LUZP2: variants seen among roughly 807,000 people sequenced by gnomAD.
The protein encoded by LUZP2 is leucine zipper protein 2.
A neutral mutation model predicts 51.6 loss-of-function variants in LUZP2; 52 were observed. The ratio of observed to expected loss-of-function variants is 1.01; its 90% confidence interval spans 0.81 to 1.27. The LOEUF (loss-of-function observed/expected upper bound fraction) is 1.27. Among genes scored for constraint, LUZP2 ranks in the 50% most tolerant of loss-of-function variants. LUZP2 has a pLI of 0.00. For synonymous variants in LUZP2, 154 were observed against 137.3 expected (o/e 1.12, Z -0.85); for missense variants, 436 against 395.4 (o/e 1.10, Z -0.87).
chr11:24,974,398 G>T (rs994219192), intron 7 of LUZP2, among the ~76,000 whole-genome samples: 1 of 151,922 alleles, frequency 6.6e-6, no homozygotes, highest in African/African-American at 2.4e-5. Context: ...CGTTGCCATT[G>T]TGTTTCTTTT....
At chr11:24,715,440 C>A (rs1382951329) in intron 1 of LUZP2, among the ~76,000 whole-genome samples, 1 of 152,106 alleles carries the variant, frequency 6.6e-6, no homozygotes, top group Non-Finnish European at 1.5e-5. Context: ...CCAACTTCTC[C>A]AGATTCTACC....
chr11:24,840,413 A>G (rs1850992543), intron 5 of LUZP2, among the ~76,000 whole-genome samples: 1 of 151,910 alleles, frequency 6.6e-6, no homozygotes, highest in African/African-American at 2.4e-5. Context: ...TTCAGATTAT[A>G]AAACGTCTGC....
intron 5 of LUZP2, among the ~76,000 whole-genome samples, chr11:24,874,535 G>A (rs1410237092): frequency 3.3e-5 from 5 of 152,198 alleles, no homozygotes; most frequent in East Asian, 3.9e-4. Context: ...ATGCTGCACC[G>A]GATGTTGACC....
At chr11:24,586,566 A>C (rs1853074218) in intron 1 of LUZP2, among the ~76,000 whole-genome samples, 1 of 152,106 alleles carries the variant, frequency 6.6e-6, no homozygotes, top group African/African-American at 2.4e-5. Context: ...TGACCATTAA[A>C]AAGTCATACA....
At chr11:24,542,527 A>T (rs566841776) in intron 1 of LUZP2, among the ~76,000 whole-genome samples, 12 of 148,892 alleles carry the variant, frequency 8.1e-5, no homozygotes, top group African/African-American at 3.0e-4. Context: ...CCAGTGTGTG[A>T]AAAAAAAAAG....
At chr11:24,999,449 G>C (rs2133939918) in intron 9 of LUZP2, among the ~76,000 whole-genome samples, 1 of 151,182 alleles carries the variant, frequency 6.6e-6, no homozygotes, top group East Asian at 2.0e-4. Flanking sequence ...GGAGGAGAAG[G>C]AGAAAGAAGA....
In LUZP2 at chr11:24,752,912, G is replaced by A. The variant is rs546842651; in HGVS notation, c.334-10334G>A. Among the ~76,000 whole-genome samples, 11 of 152,018 alleles carry A rather than the reference G, an allele frequency of 7.2e-5. No individual in the cohort carries two copies. The East Asian group carries it at 2.1e-3, about 29-fold the overall frequency. On this transcript the variant is annotated intron_variant, in intron 4 of 11. Transcript: ENST00000336930. Reference sequence around the variant, plus strand: ...AAAGAATAGGAAAATATATACAAATGTTCTAAGTTTAAAAATTGAAAATAT... The same window carrying A: ...AAAGAATAGGAAAATATATACAAATATTCTAAGTTTAAAAATTGAAAATAT...
At chr11:24,694,082 T>G (rs1397689755) in intron 1 of LUZP2, among the ~76,000 whole-genome samples, 5 of 152,108 alleles carry the variant, frequency 3.3e-5, no homozygotes, top group African/African-American at 9.7e-5. Context: ...CAATTATTTC[T>G]GTTTCTTTTC....
At chr11:24,792,416 ACT>A (rs769525474) in intron 5 of LUZP2, among the ~76,000 whole-genome samples, 39 of 148,818 alleles carry the variant, frequency 2.6e-4, no homozygotes, top group Admixed American at 1.1e-3. Flanking sequence ...ACAGAGCAAG[ACT>A]CTGTCTCAAA....
intron 5 of LUZP2, among the ~76,000 whole-genome samples, chr11:24,893,845 A>G (rs1483617718): frequency 1.3e-5 from 2 of 151,944 alleles, no homozygotes; most frequent in Non-Finnish European, 2.9e-5. Context: ...AGTTTTAGAC[A>G]TTTCCCTGCA....
intron 1 of LUZP2, among the ~76,000 whole-genome samples, chr11:24,519,414 A>C (rs1850572899): frequency 6.6e-6 from 1 of 152,190 alleles, no homozygotes; most frequent in South Asian, 2.1e-4. Context: ...TGAATGTAAG[A>C]TTCATTCCTT....
intron 7 of LUZP2, among the ~76,000 whole-genome samples, chr11:24,923,585 T>C (rs1854138340): frequency 6.6e-6 from 1 of 152,014 alleles, no homozygotes; most frequent in South Asian, 2.1e-4. Context: ...TAGTCCCAAC[T>C]ACTTGGGAGG....
At chr11:25,030,537 T>A (rs1219574492) in intron 9 of LUZP2, among the ~76,000 whole-genome samples, 1 of 151,920 alleles carries the variant, frequency 6.6e-6, no homozygotes, top group Non-Finnish European at 1.5e-5. Flanking sequence ...TTTATTTATA[T>A]AAATATTGTG....
At chr11:24,738,564 G>T (rs1344185610) in intron 4 of LUZP2, among the ~76,000 whole-genome samples, 3 of 152,038 alleles carry the variant, frequency 2.0e-5, no homozygotes, top group Non-Finnish European at 4.4e-5. Flanking sequence ...AGTGGGACAA[G>T]AGTTCTGGTG....
At chr11:24,578,571 A>G (rs1434030635) in intron 1 of LUZP2, among the ~76,000 whole-genome samples, 2 of 152,096 alleles carry the variant, frequency 1.3e-5, no homozygotes, top group African/African-American at 4.8e-5. Flanking sequence ...TAAAAAAAAA[A>G]AAATGGAAAA....
At chr11:24,577,189 C>G (rs915912821) in intron 1 of LUZP2, among the ~76,000 whole-genome samples, 20 of 151,626 alleles carry the variant, frequency 1.3e-4, no homozygotes, top group Admixed American at 2.0e-4. Context: ...CACTTCTGCT[C>G]TTTTTCAGAG....
chr11:24,615,946 A>G (rs994835701), intron 1 of LUZP2, among the ~76,000 whole-genome samples: 4 of 151,468 alleles, frequency 2.6e-5, no homozygotes, highest in Non-Finnish European at 5.9e-5. Flanking sequence ...CTTAACTGCC[A>G]TCTGTATATC....
chr11:24,823,952 A>T (rs1371145153), intron 5 of LUZP2, among the ~76,000 whole-genome samples: 1 of 152,016 alleles, frequency 6.6e-6, no homozygotes, highest in Non-Finnish European at 1.5e-5. Flanking sequence ...AGTCCCAGCT[A>T]TTAGGGAGGC....
chr11:24,499,668 A>G (rs1003711188), intron 1 of LUZP2, among the ~76,000 whole-genome samples: 27 of 152,112 alleles, frequency 1.8e-4, no homozygotes, highest in African/African-American at 5.8e-4. Context: ...GGTGGTGGTA[A>G]TTGCTAGTTT....
Sources: gnomAD v4.1 joint callset for allele counts (sites outside exome capture counted in the v4.1 genomes callset) on GRCh38, gnomAD v4.1.1 for gene constraint, MANE v1.5 for transcripts, NCBI Gene and HGNC (gene_info 2026-07-23, HGNC 2026-07-21) for gene names.